The following GRIN2B variants were observed in gnomAD, a reference collection of about 807,000 sequenced individuals.
The protein encoded by GRIN2B is glutamate receptor ionotropic, NMDA 2B.
In GRIN2B, 5 loss-of-function variants were observed where a neutral mutation model predicts 114.5. That is an observed-to-expected ratio of 0.04 (90% confidence interval 0.02 to 0.09). GRIN2B has a LOEUF of 0.09. GRIN2B is among the 10% of genes least tolerant of loss of function. The pLI, the probability that GRIN2B is intolerant of heterozygous loss-of-function variation, is 1.00. For missense variants in GRIN2B, 1,108 were observed against 1,943.5 expected (o/e 0.57, Z 8.08); for synonymous variants, 787 against 745.1 (o/e 1.06, Z -0.92).
At chr12:13,646,071 A>G (rs1949759218) in intron 5 of GRIN2B, among the ~76,000 whole-genome samples, 1 of 152,170 alleles carries the variant, frequency 6.6e-6, no homozygotes, top group African/African-American at 2.4e-5. Context: ...GTTCACTGGT[A>G]AGTAGTCTAC....
chr12:13,907,922 T>G (rs1380320481), intron 2 of GRIN2B, among the ~76,000 whole-genome samples: 3 of 152,324 alleles, frequency 2.0e-5, no homozygotes, highest in Middle Eastern at 3.4e-3. Context: ...GGCATTTTAC[T>G]TACTACTACC....
chr12:13,586,075 C>A (rs1178165550), intron 10 of GRIN2B, among the ~76,000 whole-genome samples: 1 of 152,176 alleles, frequency 6.6e-6, no homozygotes, highest in East Asian at 1.9e-4. Context: ...AAATGAAGTT[C>A]AATTTTTCCA....
chr12:13,962,292 C>A (rs975984362), intron 2 of GRIN2B, among the ~76,000 whole-genome samples: 6 of 152,070 alleles, frequency 3.9e-5, no homozygotes, highest in Non-Finnish European at 7.4e-5. Flanking sequence ...TCATGCCCAC[C>A]CCTGATTCCA....
intron 4 of GRIN2B, among the ~76,000 whole-genome samples, chr12:13,714,417 G>GT (rs1326224239): frequency 6.6e-6 from 1 of 151,876 alleles, no homozygotes; most frequent in Non-Finnish European, 1.5e-5. Flanking sequence ...GAGAGAAATA[G>GT]TTTCCCTAGG....
At chr12:13,966,540 C>T (rs972361244) in intron 2 of GRIN2B, among the ~76,000 whole-genome samples, 2 of 152,160 alleles carry the variant, frequency 1.3e-5, no homozygotes, top group Admixed American at 6.5e-5. Context: ...AGAAACATGG[C>T]ACCTCGTGGC....
chr12:13,884,147 C>CTT (rs1354242404), intron 2 of GRIN2B, among the ~76,000 whole-genome samples: 1 of 152,032 alleles, frequency 6.6e-6, no homozygotes, highest in Non-Finnish European at 1.5e-5. Flanking sequence ...GACTACTGTG[C>CTT]TTTTGAGTCT....
chr12:13,828,412 G>A (rs1187011975), intron 3 of GRIN2B, among the ~76,000 whole-genome samples: 1 of 152,082 alleles, frequency 6.6e-6, no homozygotes, highest in Non-Finnish European at 1.5e-5. Flanking sequence ...ACCTTGTCCA[G>A]ACATGGAATT....
chr12:13,615,429 C>T lies in GRIN2B; in HGVS notation c.1500+64G>A, dbSNP rs913785202. 4.9e-5 allele frequency: 74 copies of T among 1,503,312 alleles called. No individual in the cohort carries two copies. The highest frequency in any genetic ancestry group is 6.7e-5 in the Non-Finnish European group (72 of 1,079,042). 93.1% of individuals were successfully genotyped at this position (1,503,312 alleles called of 1,614,324 possible). On this transcript the variant is annotated intron_variant, in intron 7 of 13. Transcript: ENST00000609686. The surrounding 1 kb of genome is among the most constrained non-coding windows in gnomAD (Gnocchi z 5.8). ...ATGCATAAAGTGAGCACGTTTTAAACTTATATTTAGAAGAAGGAAAATAAA... is the reference window on the plus strand; with the variant it reads ...ATGCATAAAGTGAGCACGTTTTAAATTTATATTTAGAAGAAGGAAAATAAA...
At chr12:13,875,224 G>GA (rs1164933964) in intron 2 of GRIN2B, among the ~76,000 whole-genome samples, 2 of 151,856 alleles carry the variant, frequency 1.3e-5, no homozygotes, top group Non-Finnish European at 2.9e-5. Flanking sequence ...AAAAGTTGAA[G>GA]AAAAAAAATA....
Position 13,753,996 on chromosome 12 carries a change from G to A in GRIN2B, c.412-81C>T. 1 of 833,564 alleles carries A rather than the reference G, an allele frequency of 1.2e-6. No homozygotes were observed. Among genetic ancestry groups the A allele is most frequent in the Non-Finnish European group, 2.0e-6 (1 of 487,962 alleles). The allele number at this position is 833,564 out of a possible 1,614,324, so 51.6% of individuals were successfully genotyped here. ...GTAATGGAGATTTTGAACCAAGTGG[G>A]TACAAAGATTTGTGTTCATTACTTA... On this transcript the variant is annotated intron_variant, in intron 3 of 13. Coordinates refer to ENST00000609686, the MANE Select transcript of GRIN2B (RefSeq NM_000834.5). The surrounding 1 kb of genome is among the most constrained non-coding windows in gnomAD (Gnocchi z 6.2).
chr12:13,867,396 C>T (rs59017214), intron 2 of GRIN2B, among the ~76,000 whole-genome samples: 2,038 of 152,170 alleles, frequency 0.013, 47 homozygotes, highest in African/African-American at 0.047. Context: ...TCCAAGAGCT[C>T]CTCTTATTTT....
At chr12:13,816,588 T>C (rs1864827764) in intron 3 of GRIN2B, among the ~76,000 whole-genome samples, 1 of 152,114 alleles carries the variant, frequency 6.6e-6, no homozygotes, top group South Asian at 2.1e-4. Flanking sequence ...CTGGTTTCCA[T>C]AGCACTGCCA....
rs12822618 is a variant in GRIN2B at position 13,833,677 on chromosome 12, C to T, written c.411+32121G>A. On this transcript the variant is annotated intron_variant, in intron 3 of 13. Coordinates refer to ENST00000609686, the MANE Select transcript of GRIN2B (RefSeq NM_000834.5). ...GGTGCAAACATGGGACTGATAGAAA[C>T]AAACAACATCCTTGCAACCGAAGGG... Among the ~76,000 whole-genome samples, 29 of 152,286 alleles carry T rather than the reference C, an allele frequency of 1.9e-4. 1 individual carries two copies. In the South Asian group the frequency reaches 3.9e-3, roughly 21 times the overall value.
chr12:13,578,556 T>A lies in GRIN2B; in HGVS notation c.2011-6592A>T, dbSNP rs112729849. Among the ~76,000 whole-genome samples, 25 of 152,256 alleles carry A rather than the reference T, an allele frequency of 1.6e-4. 1 individual carries two copies. The highest frequency in any genetic ancestry group is 6.0e-4 in the African/African-American group (25 of 41,546). On this transcript the variant is annotated intron_variant, in intron 10 of 13. Coordinates refer to ENST00000609686, the MANE Select transcript of GRIN2B (RefSeq NM_000834.5). ...TGGACTCTCCAGCCCAGCCTCCCAC[T>A]GAATATCAGTCATGCTACATGAAGT...
At chr12:13,740,163 G>A (rs753252627) in intron 4 of GRIN2B, among the ~76,000 whole-genome samples, 2 of 152,198 alleles carry the variant, frequency 1.3e-5, no homozygotes, top group Non-Finnish European at 2.9e-5. Flanking sequence ...GGAAATTCGT[G>A]ATGGTTTTCA....
At chr12:13,767,027 C>A (rs547336423) in intron 3 of GRIN2B, among the ~76,000 whole-genome samples, 1 of 152,044 alleles carries the variant, frequency 6.6e-6, no homozygotes, top group Non-Finnish European at 1.5e-5. Flanking sequence ...GAGGCCGAGG[C>A]GGGTGGATCA....
chr12:13,789,378 G>T (rs1864277936), intron 3 of GRIN2B, among the ~76,000 whole-genome samples: 1 of 152,188 alleles, frequency 6.6e-6, no homozygotes, highest in African/African-American at 2.4e-5. Context: ...GAAGATGGCT[G>T]CAGCTTAAAG....
intron 5 of GRIN2B, among the ~76,000 whole-genome samples, chr12:13,620,939 G>A (rs1435738074): frequency 3.0e-5 from 3 of 101,070 alleles, no homozygotes; most frequent in African/African-American, 3.1e-5. Context: ...AGTACTGAAA[G>A]GTGAAACTTT....
In GRIN2B at chr12:13,615,340, T is replaced by C. The variant is rs1035630627; in HGVS notation, c.1501-73A>G. The C allele has an allele frequency of 6.6e-7, 1 of 1,513,028 alleles. No individual in the cohort carries two copies. The highest frequency in any genetic ancestry group is 1.4e-5 in the African/African-American group (1 of 73,076). The allele number at this position is 1,513,028 out of a possible 1,614,324, so 93.7% of individuals were successfully genotyped here. A position where few individuals can be genotyped will look rare whatever the true frequency, so the allele number is the denominator to read the frequency against. On this transcript the variant is annotated intron_variant, in intron 7 of 13. Transcript: ENST00000609686. The surrounding 1 kb of genome is among the most constrained non-coding windows in gnomAD (Gnocchi z 5.8). Reference sequence around the variant, plus strand: ...GGACCACCACAAGGAAAATACAGCCTATCAGTGGTTTTCTTTGTATAGTGG... The same window carrying C: ...GGACCACCACAAGGAAAATACAGCCCATCAGTGGTTTTCTTTGTATAGTGG...
Sources: gnomAD v4.1 joint callset for allele counts (sites outside exome capture counted in the v4.1 genomes callset) on GRCh38, gnomAD v4.1.1 for gene constraint, Gnocchi (gnomAD v3.1) non-coding constraint, MANE v1.5 for transcripts, NCBI Gene and HGNC (gene_info 2026-07-23, HGNC 2026-07-21) for gene names.